MAP4: variants seen among roughly 807,000 people sequenced by gnomAD.
MAP4 encodes the protein microtubule-associated protein 4.
In MAP4, 76 loss-of-function variants were observed where a neutral mutation model predicts 170.2. That is an observed-to-expected ratio of 0.45 (90% CI 0.37 to 0.54). The LOEUF is 0.54. Among genes scored for constraint, MAP4 ranks in the 20% least tolerant of loss-of-function variants. The pLI is 0.00. For missense variants in MAP4, 2,506 were observed against 2,748.0 expected (o/e 0.91, Z 1.97); for synonymous variants, 909 against 994.5 (o/e 0.91, Z 1.62).
At chr3:48,010,576 G>A (rs1308713639) in intron 1 of MAP4, among the ~76,000 whole-genome samples, 3 of 152,130 alleles carry the variant, frequency 2.0e-5, no homozygotes, top group South Asian at 2.1e-4. Context: ...GATTACATAC[G>A]ATCTCAGATG....
Position 47,916,995 on chromosome 3 carries a change from T to A in MAP4, c.832A>T (p.Met278Leu). ...ACATCTAATTTGGTGGGTGATTCCATATCTTTAGCCAATGCCACCTCGGTT... is the reference window on the plus strand; with the variant it reads ...ACATCTAATTTGGTGGGTGATTCCAAATCTTTAGCCAATGCCACCTCGGTT... ...TKTEVALAKD[M>L]ESPTKLDVTL... Residue 278 changes from methionine to leucine, a missense_variant, in exon 7 of 21, where the codon ATG (methionine) becomes TTG (leucine). Physicochemically the swap from Met to Leu is conservative, Grantham distance 15. This residue lies in a region of MAP4 where 2,008 missense variants were observed against 2,206.0 expected (regional missense o/e 0.91). Coordinates refer to ENST00000683076, the MANE Select transcript of MAP4 (RefSeq NM_001385682.1). 6.2e-7 allele frequency: 1 copy of A among 1,614,196 alleles called. No individual in the cohort carries two copies.
Position 47,910,040 on chromosome 3 carries a change from A to C in MAP4, c.4381T>G (p.Leu1461Val), listed in dbSNP as rs1560014325. 1.2e-6 allele frequency: 2 copies of C among 1,614,004 alleles called. No individual in the cohort carries two copies. Among genetic ancestry groups the C allele is most frequent in the Non-Finnish European group, 1.7e-6 (2 of 1,179,870 alleles). ...VKEGDSFPDT[L>V]AKNGQEIAPA... is the part of the protein sequence containing the mutation. ...GCTATCTCTTGCCCATTTTTTGCCA[A>C]GGTATCTGGAAAGGAATCACCTTCC... Residue 1461 changes from leucine (L) to valine (V), a missense_variant, in exon 9 of 21, where the codon TTG becomes GTG. By Grantham distance (32) the Leu-to-Val change is conservative. This residue lies in a region of MAP4 where 2,008 missense variants were observed against 2,206.0 expected (regional missense o/e 0.91). Transcript: ENST00000683076.
chr3:48,010,849 G>A (rs1280011342), intron 1 of MAP4, among the ~76,000 whole-genome samples: 1 of 152,138 alleles, frequency 6.6e-6, no homozygotes, highest in Non-Finnish European at 1.5e-5. Flanking sequence ...CTCCCGTGCT[G>A]GATGCTTCCT....
chr3:47,919,594 C>T (rs1355133196), intron 5 of MAP4, among the ~76,000 whole-genome samples: 2 of 152,186 alleles, frequency 1.3e-5, no homozygotes, highest in Non-Finnish European at 2.9e-5. Flanking sequence ...AGGTGTGAGA[C>T]ACCGCGCCCG....
intron 1 of MAP4, among the ~76,000 whole-genome samples, chr3:48,064,493 C>G (rs886090221): frequency 6.6e-6 from 1 of 152,106 alleles, no homozygotes; most frequent in African/African-American, 2.4e-5. Context: ...CTCGGACAGA[C>G]TGATTTAAGT....
At chr3:48,081,163 G>A (rs1301709362) in intron 1 of MAP4, among the ~76,000 whole-genome samples, 1 of 150,220 alleles carries the variant, frequency 6.7e-6, no homozygotes, top group Non-Finnish European at 1.5e-5. Context: ...GGTGGCAGGC[G>A]CCTGTAGTCC....
intron 10 of MAP4, among the ~76,000 whole-genome samples, chr3:47,888,983 C>T (rs1034921955): frequency 2.0e-5 from 3 of 152,158 alleles, no homozygotes; most frequent in African/African-American, 7.2e-5. Flanking sequence ...TAGACAAAGA[C>T]ATGGAAATGA....
intron 2 of MAP4, among the ~76,000 whole-genome samples, chr3:47,997,433 A>G (rs1441685492): frequency 6.6e-6 from 1 of 151,586 alleles, no homozygotes; most frequent in East Asian, 1.9e-4. Context: ...AAAATACAAC[A>G]TATCAAAATC....
Position 47,911,373 on chromosome 3 carries a change from T to C in MAP4, c.3048A>G (p.Leu1016=), listed in dbSNP as rs2100035879. Reference sequence around the variant, plus strand: ...TTTCGTTGGGAAAAGCTTCCTTTTTTAGTTCTTTATCCTCTTCAGCTCCTT... The same window carrying C: ...TTTCGTTGGGAAAAGCTTCCTTTTTCAGTTCTTTATCCTCTTCAGCTCCTT... The part of the protein sequence containing the change: ...FPEGAEEDKE[L]KKEAFPNERQ... Residue 1016 remains leucine, a synonymous_variant, in exon 9 of 21, where the codon CTA becomes CTG. Transcript: ENST00000683076. This position sits in a 1 kb window ranked among gnomAD's most constrained non-coding sequence, Gnocchi z 4.0. 6.5e-7 allele frequency: 1 copy of C among 1,536,032 alleles called. No individual in the cohort carries two copies.
At position 47,916,679 on chromosome 3, in the gene MAP4, G is replaced by A. The variant is rs1045324314; in HGVS notation, c.1148C>T (p.Ala383Val). 1.9e-6 allele frequency: 3 copies of A among 1,614,050 alleles called. No homozygotes were observed. In the African/African-American group the frequency reaches 4.0e-5, roughly 22 times the overall value. The change falls in exon 7 of 21, where the codon GCA (alanine) becomes GTA (valine). Residue 383 changes from alanine (A) to valine (V), a missense_variant. Ala to Val is a moderately conservative substitution (Grantham distance 64). Transcript: ENST00000683076. ...AGCCAAGTCCATTTTTATAGGAGAT[G>A]CCCTCTCTGTTTCTTTCTTGTTTTC... ...PKENKKETER[A>V]SPIKMDLAPS...
Position 47,957,287 on chromosome 3 carries a change from C to A in MAP4, c.292+20578G>T, listed in dbSNP as rs975814080. Among the ~76,000 whole-genome samples the A allele has an allele frequency of 2.0e-5, 3 of 152,206 alleles. No homozygotes were observed. The South Asian group carries it at 6.2e-4, about 32-fold the overall frequency. ...GGTTCAAGTGATTCTCCCGCCTCAG[C>A]CTCCCAAGTAGCTGGGACTACAGGC... is the stretch of plus-strand genomic sequence containing the variant. On this transcript the variant is annotated intron_variant, in intron 3 of 20. Coordinates refer to ENST00000683076, the MANE Select transcript of MAP4 (RefSeq NM_001385682.1).
chr3:47,870,548 C>A (rs1335061673), intron 15 of MAP4, among the ~76,000 whole-genome samples: 1 of 152,156 alleles, frequency 6.6e-6, no homozygotes, highest in Non-Finnish European at 1.5e-5. Flanking sequence ...CCTTTTACAT[C>A]CAAGCAAAAA....
At chr3:47,918,227 G>GCCCGCCTTGGCCTCCCA (rs1313376619) in intron 6 of MAP4, among the ~76,000 whole-genome samples, 2 of 151,178 alleles carry the variant, frequency 1.3e-5, no homozygotes, top group African/African-American at 4.8e-5. Flanking sequence ...CAGGTGATCT[G>GCCCGCCTTGGCCTCCCA]CCCGCCTTGG....
chr3:48,065,565 T>C (rs1425223122), intron 1 of MAP4, among the ~76,000 whole-genome samples: 1 of 152,204 alleles, frequency 6.6e-6, no homozygotes, highest in Admixed American at 6.5e-5. Flanking sequence ...CCCCAAATTT[T>C]TCACTATCCC....
At chr3:47,915,724 A>T (rs1386800003) in intron 7 of MAP4, among the ~76,000 whole-genome samples, 1 of 152,220 alleles carries the variant, frequency 6.6e-6, no homozygotes, top group Non-Finnish European at 1.5e-5. Context: ...TGCTTGACTT[A>T]TCTGCAAGAA....
At chr3:47,983,764 C>A (rs578046941) in intron 2 of MAP4, among the ~76,000 whole-genome samples, 12 of 152,056 alleles carry the variant, frequency 7.9e-5, no homozygotes, top group Non-Finnish European at 1.2e-4. Flanking sequence ...AGTGGTACTC[C>A]TGCCTCAGTC....
chr3:47,932,682 G>A (rs912174095), intron 3 of MAP4, among the ~76,000 whole-genome samples: 2 of 152,150 alleles, frequency 1.3e-5, no homozygotes, highest in African/African-American at 4.8e-5. Context: ...ATGATGTTGA[G>A]CATTTTTTCA....
intron 3 of MAP4, among the ~76,000 whole-genome samples, chr3:47,933,601 C>CTTTT (rs1306889632): frequency 1.5e-5 from 2 of 129,618 alleles, no homozygotes; most frequent in Non-Finnish European, 1.6e-5. Flanking sequence ...TCCTGCCCAG[C>CTTTT]TTTTTTTTTT....
rs554474797 is a variant in MAP4, at chr3:47,902,625, G to T, written c.5434+325C>A. ...GGAGCCAGAGGTTGCAGTGAGCCGAGATTGTGCCACTGCACTCCTGCCTGG... is the reference window on the plus strand; with the variant it reads ...GGAGCCAGAGGTTGCAGTGAGCCGATATTGTGCCACTGCACTCCTGCCTGG... On this transcript the variant is annotated intron_variant, in intron 10 of 20. Transcript: ENST00000683076. 5.4e-5 allele frequency among the ~76,000 whole-genome samples: 7 copies of T among 128,462 alleles called. No homozygotes were observed. In the South Asian group the frequency reaches 1.9e-3, roughly 34 times the overall value. 84.3% of individuals were successfully genotyped at this position (128,462 alleles called of 152,430 possible).
Sources: allele counts gnomAD v4.1 joint callset (sites outside exome capture counted in the v4.1 genomes callset), GRCh38; gene constraint gnomAD v4.1.1; regional missense constraint gnomAD v4.1.1; non-coding constraint Gnocchi (gnomAD v3.1); transcripts MANE v1.5; gene names NCBI Gene and HGNC (gene_info 2026-07-23, HGNC 2026-07-21).